GRM8: variants seen among roughly 807,000 people sequenced by gnomAD.
GRM8 encodes glutamate metabotropic receptor 8, also known as metabotropic glutamate receptor 8.
GRM8 carries 47 observed loss-of-function variants against 87.2 expected under a neutral mutation model. The observed-to-expected ratio is 0.54, with a 90% CI of 0.43 to 0.69. The LOEUF is 0.69. Among genes scored for constraint, GRM8 ranks in the 30% least tolerant of loss-of-function variants. The pLI, the probability that GRM8 is intolerant of heterozygous loss-of-function variation, is 0.00. For synonymous variants in GRM8, 396 were observed against 404.5 expected (o/e 0.98, Z 0.25); for missense variants, 1,019 against 1,139.2 (o/e 0.89, Z 1.52).
chr7:126,994,013 A>G (rs970079690), intron 3 of GRM8, among the ~76,000 whole-genome samples: 2 of 152,150 alleles, frequency 1.3e-5, no homozygotes, highest in Non-Finnish European at 2.9e-5. Flanking sequence ...TGGGCCAGCT[A>G]GGGGAGTGCT....
rs1324499039 is a variant in GRM8 at position 126,586,981 on chromosome 7, CA to C, written c.1494+22380del. ...TCTACAAAGAACTCAAACAAATTTA[CA>C]AAAAAAAACCAAGCCCATCAAAAAC... On this transcript the variant is annotated intron_variant, in intron 8 of 10. Coordinates refer to ENST00000339582, the MANE Select transcript of GRM8 (RefSeq NM_000845.3). 1.7e-4 allele frequency among the ~76,000 whole-genome samples: 26 copies of C among 150,174 alleles called. No individual in the cohort carries two copies. The East Asian group carries it at 2.2e-3, about 12-fold the overall frequency.
chr7:126,646,202 GGAA>G (rs1803031155), intron 7 of GRM8, among the ~76,000 whole-genome samples: 1 of 151,354 alleles, frequency 6.6e-6, no homozygotes, highest in Admixed American at 6.6e-5. Context: ...TAGGATTAAA[GGAA>G]GAAGTGACTT....
chr7:126,497,303 T>C (rs1382186554), intron 9 of GRM8, among the ~76,000 whole-genome samples: 1 of 151,956 alleles, frequency 6.6e-6, no homozygotes, highest in Non-Finnish European at 1.5e-5. Context: ...TTAAAAGCCT[T>C]AAAAACTATT....
At chr7:126,549,317 G>A (rs1326149753) in intron 8 of GRM8, among the ~76,000 whole-genome samples, 4 of 151,734 alleles carry the variant, frequency 2.6e-5, no homozygotes, top group African/African-American at 9.7e-5. Flanking sequence ...CAAAATCAAT[G>A]GAAAGAACTG....
chr7:126,602,607 C>G (rs1270756735), intron 8 of GRM8, among the ~76,000 whole-genome samples: 1 of 138,536 alleles, frequency 7.2e-6, no homozygotes, highest in Non-Finnish European at 1.6e-5. Context: ...CTTTTATTTC[C>G]TTGAGCAGTG....
At chr7:127,186,900 T>C (rs1366383943) in intron 2 of GRM8, among the ~76,000 whole-genome samples, 1 of 152,152 alleles carries the variant, frequency 6.6e-6, no homozygotes, top group African/African-American at 2.4e-5. Flanking sequence ...ATGAAAGAAC[T>C]TAGTCAAAGG....
intron 3 of GRM8, among the ~76,000 whole-genome samples, chr7:126,975,592 T>A (rs568696141): frequency 4.6e-5 from 7 of 152,312 alleles, no homozygotes; most frequent in African/African-American, 1.4e-4. Flanking sequence ...GGGGAAGGCA[T>A]GCGCCTACCC....
At chr7:127,160,529 G>GCA (rs1269204164) in intron 2 of GRM8, among the ~76,000 whole-genome samples, 8 of 149,026 alleles carry the variant, frequency 5.4e-5, no homozygotes, top group Non-Finnish European at 1.2e-4. Context: ...GCTCCATCAC[G>GCA]CGCGCGCACA....
intron 3 of GRM8, among the ~76,000 whole-genome samples, chr7:126,910,845 G>C (rs1270632964): frequency 1.3e-5 from 2 of 152,134 alleles, no homozygotes; most frequent in Non-Finnish European, 2.9e-5. Flanking sequence ...TGATTTGCTA[G>C]TGCATAGAGA....
chr7:126,466,875 T>A (rs1285739387), intron 9 of GRM8, among the ~76,000 whole-genome samples: 3 of 152,086 alleles, frequency 2.0e-5, no homozygotes, highest in Non-Finnish European at 1.5e-5. Flanking sequence ...TAATGCTTCA[T>A]TGGCTATAAG....
chr7:126,759,119 A>C (rs1817323659), intron 7 of GRM8, among the ~76,000 whole-genome samples: 1 of 151,894 alleles, frequency 6.6e-6, no homozygotes, highest in Non-Finnish European at 1.5e-5. Flanking sequence ...GCTGGTCTCA[A>C]ACTCCTGACT....
At position 126,917,016 on chromosome 7, in the gene GRM8, G is replaced by A. The variant is rs572012958; in HGVS notation, c.728-12333C>T. ...TTTTGGATTCAGATAGCACTAAAAA[G>A]AAAGGATAGTGAATAGATATGTTTT... is the stretch of plus-strand genomic sequence containing the variant. On this transcript the variant is annotated intron_variant, in intron 3 of 10. Transcript: ENST00000339582. Among the ~76,000 whole-genome samples, 151 of 152,320 alleles carry A rather than the reference G, an allele frequency of 9.9e-4. 1 individual carries two copies. The highest frequency in any genetic ancestry group is 1.9e-3 in the Non-Finnish European group (126 of 68,018).
chr7:126,556,604 A>C (rs1482317953), intron 8 of GRM8, among the ~76,000 whole-genome samples: 1 of 152,136 alleles, frequency 6.6e-6, no homozygotes, highest in Non-Finnish European at 1.5e-5. Context: ...CTGAGATTGC[A>C]CCACTGCACT....
At chr7:126,644,642 T>C (rs956067463) in intron 7 of GRM8, among the ~76,000 whole-genome samples, 1 of 152,232 alleles carries the variant, frequency 6.6e-6, no homozygotes, top group African/African-American at 2.4e-5. Flanking sequence ...AAGTATTATA[T>C]GATATAACCA....
At chr7:126,939,156 C>A (rs1362993798) in intron 3 of GRM8, among the ~76,000 whole-genome samples, 2 of 152,080 alleles carry the variant, frequency 1.3e-5, no homozygotes, top group African/African-American at 4.8e-5. Flanking sequence ...GGTTGGCAAG[C>A]CATAAAATGC....
At chr7:126,718,236 A>G (rs1219663338) in intron 7 of GRM8, among the ~76,000 whole-genome samples, 3 of 151,812 alleles carry the variant, frequency 2.0e-5, no homozygotes, top group Non-Finnish European at 4.4e-5. Flanking sequence ...TGTCTCAAAA[A>G]TAATAATAAT....
intron 3 of GRM8, among the ~76,000 whole-genome samples, chr7:126,948,420 G>A (rs1438588784): frequency 1.3e-5 from 2 of 148,322 alleles, no homozygotes; most frequent in Non-Finnish European, 3.0e-5. Flanking sequence ...GTAAGCAGCT[G>A]GATATGCTTC....
intron 7 of GRM8, among the ~76,000 whole-genome samples, chr7:126,688,895 AG>A: frequency 6.6e-6 from 1 of 152,282 alleles, no homozygotes; most frequent in East Asian, 1.9e-4. Context: ...TACAAAAAAA[AG>A]GTTCACACCT....
At position 127,053,394 on chromosome 7, in the gene GRM8, A is replaced by G. The variant is rs181648576; in HGVS notation, c.727+53102T>C. Among the ~76,000 whole-genome samples, 77 of 152,336 alleles carry G rather than the reference A, an allele frequency of 5.1e-4. 2 individuals are homozygous for G. In the East Asian group the frequency reaches 0.014, roughly 27 times the overall value. Reference sequence around the variant, plus strand: ...AGTTTTGAACTCTTTTGGTTGAGAAATGATAAACTCATTAATGAGATGCAA... The same window carrying G: ...AGTTTTGAACTCTTTTGGTTGAGAAGTGATAAACTCATTAATGAGATGCAA... On this transcript the variant is annotated intron_variant, in intron 3 of 10. Coordinates refer to ENST00000339582, the MANE Select transcript of GRM8 (RefSeq NM_000845.3).
Sources: allele counts gnomAD v4.1 joint callset (sites outside exome capture counted in the v4.1 genomes callset), GRCh38; gene constraint gnomAD v4.1.1; transcripts MANE v1.5; gene names NCBI Gene and HGNC (gene_info 2026-07-23, HGNC 2026-07-21).